CNTN4: variants seen among roughly 807,000 people sequenced by gnomAD.
The protein encoded by CNTN4 is contactin 4, also known as contactin-4.
A neutral mutation model predicts 122.5 loss-of-function variants in CNTN4; 77 were observed. The observed-to-expected ratio is 0.63, with a 90% confidence interval of 0.52 to 0.76. The LOEUF is 0.76. Among genes scored for constraint, CNTN4 ranks in the 30% least tolerant of loss-of-function variants. The pLI, the probability that CNTN4 is intolerant of heterozygous loss-of-function variation, is 0.00. For missense variants in CNTN4, 1,256 were observed against 1,259.1 expected, an observed-to-expected ratio of 1.00 and a Z score of 0.04; for synonymous variants, 512 against 447.0, an observed-to-expected ratio of 1.15 and a Z score of -1.83.
intron 10 of CNTN4, among the ~76,000 whole-genome samples, chr3:2,889,992 G>A (rs1470472769): frequency 6.6e-6 from 1 of 152,146 alleles, no homozygotes; most frequent in Non-Finnish European, 1.5e-5. Context: ...CTTTTTAAAT[G>A]GAGTTATCTG....
chr3:2,897,378 G>T (rs2094126623), intron 10 of CNTN4, among the ~76,000 whole-genome samples: 1 of 151,628 alleles, frequency 6.6e-6, no homozygotes, highest in African/African-American at 2.4e-5. Flanking sequence ...AAAACAGATG[G>T]TTCTCTTTTA....
At chr3:3,019,765 A>AATATATATATATATAT (rs67229453) in intron 14 of CNTN4, among the ~76,000 whole-genome samples, 6 of 138,032 alleles carry the variant, frequency 4.3e-5, no homozygotes, top group African/African-American at 1.6e-4. Context: ...TGTGTACACA[A>AATATATATATATATAT]ATATATATAT....
At chr3:2,686,775 G>A (rs2085453742) in intron 4 of CNTN4, among the ~76,000 whole-genome samples, 2 of 152,284 alleles carry the variant, frequency 1.3e-5, no homozygotes, top group South Asian at 4.1e-4. Flanking sequence ...GTTTGACCAT[G>A]CTATCCTCTG....
chr3:2,714,760 C>T (rs1282367610), intron 4 of CNTN4, among the ~76,000 whole-genome samples: 1 of 152,046 alleles, frequency 6.6e-6, no homozygotes, highest in Non-Finnish European at 1.5e-5. Flanking sequence ...ATTTTGGAGA[C>T]AGGGTCTCGC....
chr3:2,373,894 A>G (rs2045723847), intron 3 of CNTN4, among the ~76,000 whole-genome samples: 1 of 152,190 alleles, frequency 6.6e-6, no homozygotes, highest in Non-Finnish European at 1.5e-5. Flanking sequence ...ACAGCACGGA[A>G]TGGCATTTCA....
At chr3:2,908,740 G>C (rs1450249738) in intron 12 of CNTN4, among the ~76,000 whole-genome samples, 1 of 152,100 alleles carries the variant, frequency 6.6e-6, no homozygotes, top group Non-Finnish European at 1.5e-5. Context: ...AAAGTTTTTT[G>C]ATTTTACAGT....
At chr3:3,039,599 C>CA (rs1462309001) in intron 19 of CNTN4, 2 of 230,652 alleles carry the variant, frequency 8.7e-6, no homozygotes, top group Non-Finnish European at 1.7e-5. Context: ...CTCATCCCTC[C>CA]AGCTGAACTC....
At chr3:2,929,774 G>A (rs567586671) in intron 13 of CNTN4, among the ~76,000 whole-genome samples, 67 of 152,304 alleles carry the variant, frequency 4.4e-4, no homozygotes, top group African/African-American at 1.5e-3. Context: ...CGTGAGTCAT[G>A]TGCTTATCCT....
intron 4 of CNTN4, among the ~76,000 whole-genome samples, chr3:2,702,819 G>C (rs9830446): frequency 0.094 from 14,270 of 152,190 alleles, 1,233 homozygotes; most frequent in African/African-American, 0.23. Flanking sequence ...CACAAATTGA[G>C]CACATTAGGC....
intron 13 of CNTN4, among the ~76,000 whole-genome samples, chr3:2,958,370 G>C (rs973034920): frequency 2.0e-5 from 3 of 152,106 alleles, no homozygotes; most frequent in Non-Finnish European, 2.9e-5. Context: ...GGTAAGTTCT[G>C]AACCTTCAGG....
chr3:2,101,494 AT>A (rs1246623249), intron 2 of CNTN4, among the ~76,000 whole-genome samples: 1 of 152,144 alleles, frequency 6.6e-6, no homozygotes, highest in Non-Finnish European at 1.5e-5. Flanking sequence ...CTTTTATATT[AT>A]TTTAGTTGAA....
intron 2 of CNTN4, among the ~76,000 whole-genome samples, chr3:2,226,844 T>C (rs1214093308): frequency 6.6e-6 from 1 of 152,204 alleles, no homozygotes; most frequent in Non-Finnish European, 1.5e-5. Context: ...ATAATTATTA[T>C]TATGTGCCAG....
At chr3:2,518,700 G>A (rs1428824022) in intron 3 of CNTN4, among the ~76,000 whole-genome samples, 1 of 152,056 alleles carries the variant, frequency 6.6e-6, no homozygotes, top group Non-Finnish European at 1.5e-5. Flanking sequence ...TTAGCCCATG[G>A]CTAAATGGAT....
At chr3:2,898,403 C>T (rs527255732) in intron 10 of CNTN4, among the ~76,000 whole-genome samples, 1 of 152,198 alleles carries the variant, frequency 6.6e-6, no homozygotes, top group Non-Finnish European at 1.5e-5. Context: ...CAAATAACTA[C>T]CACTGAGTAT....
intron 18 of CNTN4, 98 bp downstream of exon 18, chr3:3,037,426 C>A: frequency 1.3e-6 from 2 of 1,488,604 alleles, no homozygotes; most frequent in Non-Finnish European, 1.9e-6. Context: ...TCATGCGGCT[C>A]TGTGTTAGCT....
chr3:2,667,283 C>A (rs535307530), intron 4 of CNTN4, among the ~76,000 whole-genome samples: 2 of 152,178 alleles, frequency 1.3e-5, no homozygotes, highest in Non-Finnish European at 2.9e-5. Flanking sequence ...GATTGCCATT[C>A]TAACTGGTGT....
At chr3:2,530,531 A>G (rs538106033) in intron 3 of CNTN4, among the ~76,000 whole-genome samples, 242 of 152,140 alleles carry the variant, frequency 1.6e-3, no homozygotes, top group African/African-American at 5.3e-3. Context: ...GATGGTCCCC[A>G]TCTCCTGACC....
chr3:2,827,682 A>T (rs775662016), intron 7 of CNTN4, among the ~76,000 whole-genome samples: 1 of 152,202 alleles, frequency 6.6e-6, no homozygotes, highest in Non-Finnish European at 1.5e-5. Flanking sequence ...TTTACAGTTA[A>T]GGTAAACTCT....
intron 13 of CNTN4, among the ~76,000 whole-genome samples, chr3:2,952,791 A>G (rs1249328552): frequency 6.6e-6 from 1 of 152,240 alleles, no homozygotes; most frequent in East Asian, 1.9e-4. Flanking sequence ...TCAAATCTCT[A>G]GTATTCTAAT....
Sources: allele counts gnomAD v4.1 joint callset (sites outside exome capture counted in the v4.1 genomes callset), GRCh38; gene constraint gnomAD v4.1.1; transcripts MANE v1.5; gene names NCBI Gene and HGNC (gene_info 2026-07-23, HGNC 2026-07-21).